The following NLGN1 variants were observed in gnomAD, a reference collection of about 807,000 sequenced individuals.
NLGN1 encodes neuroligin-1.
Under a neutral mutation model 65.5 loss-of-function variants are expected in NLGN1, and 12 were observed. That is an observed-to-expected ratio of 0.18 (90% CI 0.12 to 0.30). NLGN1 has a LOEUF of 0.30. NLGN1 is among the 10% of genes least tolerant of loss of function. NLGN1 has a pLI of 1.00. For missense variants in NLGN1, 750 were observed against 1,007.1 expected, an observed-to-expected ratio of 0.74 and a Z score of 3.46; for synonymous variants, 350 against 359.5, an observed-to-expected ratio of 0.97 and a Z score of 0.30.
intron 3 of NLGN1, among the ~76,000 whole-genome samples, chr3:173,655,457 T>A (rs1297861871): frequency 6.6e-6 from 1 of 152,114 alleles, no homozygotes; most frequent in Non-Finnish European, 1.5e-5. Flanking sequence ...AACAAATGAA[T>A]TTTCTATTCC....
intron 2 of NLGN1, among the ~76,000 whole-genome samples, chr3:173,481,840 A>G (rs1727347820): frequency 6.6e-6 from 1 of 151,930 alleles, no homozygotes; most frequent in African/African-American, 2.4e-5. Context: ...ATCACATACT[A>G]ATTAGCATGA....
chr3:173,966,804 G>A (rs1208796017), intron 4 of NLGN1, among the ~76,000 whole-genome samples: 1 of 152,130 alleles, frequency 6.6e-6, no homozygotes, highest in East Asian at 1.9e-4. Flanking sequence ...TAGACCTTGG[G>A]AAAATCCCCA....
intron 4 of NLGN1, among the ~76,000 whole-genome samples, chr3:173,942,357 G>A (rs966667765): frequency 6.6e-6 from 1 of 152,082 alleles, no homozygotes; most frequent in Non-Finnish European, 1.5e-5. Flanking sequence ...CATTCTAATA[G>A]TGTTGGCTTG....
intron 4 of NLGN1, among the ~76,000 whole-genome samples, chr3:173,885,999 A>G (rs898365214): frequency 6.6e-6 from 1 of 152,162 alleles, no homozygotes; most frequent in Non-Finnish European, 1.5e-5. Flanking sequence ...GAAGAAAGTT[A>G]TAGGGATGTT....
At chr3:174,251,632 G>A (rs1032219950) in intron 4 of NLGN1, among the ~76,000 whole-genome samples, 4 of 152,088 alleles carry the variant, frequency 2.6e-5, no homozygotes, top group African/African-American at 9.7e-5. Context: ...ACCCTAAAGA[G>A]CACATTATTT....
chr3:174,012,123 C>A (rs1332299829), intron 4 of NLGN1, among the ~76,000 whole-genome samples: 1 of 152,144 alleles, frequency 6.6e-6, no homozygotes, highest in Non-Finnish European at 1.5e-5. Context: ...GCCACCATGA[C>A]AATGAGTCTG....
intron 2 of NLGN1, among the ~76,000 whole-genome samples, chr3:173,530,191 G>T (rs746521786): frequency 3.9e-5 from 6 of 152,152 alleles, no homozygotes; most frequent in Admixed American, 6.5e-5. Flanking sequence ...CTGACCTCAA[G>T]TGATCCTGCT....
At chr3:174,245,847 T>C (rs1743686118) in intron 4 of NLGN1, among the ~76,000 whole-genome samples, 1 of 152,148 alleles carries the variant, frequency 6.6e-6, no homozygotes, top group African/African-American at 2.4e-5. Context: ...AAGTCTCCTA[T>C]TAGATGGAAA....
At chr3:173,409,185 AT>A (rs1168854090) in intron 1 of NLGN1, among the ~76,000 whole-genome samples, 5 of 152,208 alleles carry the variant, frequency 3.3e-5, no homozygotes, top group African/African-American at 9.6e-5. Context: ...TAGAAAGAGT[AT>A]AAAGAGCCAT....
chr3:173,880,771 G>A (rs1301767680), intron 4 of NLGN1, among the ~76,000 whole-genome samples: 1 of 152,046 alleles, frequency 6.6e-6, no homozygotes, highest in Non-Finnish European at 1.5e-5. Context: ...AAGACAACAA[G>A]GAAGTTTGCC....
intron 2 of NLGN1, among the ~76,000 whole-genome samples, chr3:173,527,619 G>A (rs1260287836): frequency 1.3e-5 from 2 of 152,104 alleles, no homozygotes; most frequent in African/African-American, 2.4e-5. Flanking sequence ...GGATAGTCTC[G>A]ATCTCCTGAC....
intron 4 of NLGN1, among the ~76,000 whole-genome samples, chr3:174,133,484 A>T (rs978716422): frequency 6.6e-6 from 1 of 152,162 alleles, no homozygotes; most frequent in Non-Finnish European, 1.5e-5. Context: ...CAGCCAGTCA[A>T]TCTTTGGAGG....
chr3:173,863,803 A>G (rs1034441050), intron 4 of NLGN1, among the ~76,000 whole-genome samples: 1 of 152,216 alleles, frequency 6.6e-6, no homozygotes, highest in Non-Finnish European at 1.5e-5. Flanking sequence ...GATGGTGACC[A>G]TAATACAGAA....
intron 4 of NLGN1, among the ~76,000 whole-genome samples, chr3:173,941,940 A>T (rs944653077): frequency 1.3e-5 from 2 of 151,956 alleles, no homozygotes; most frequent in African/African-American, 4.8e-5. Flanking sequence ...CCTGCTTATG[A>T]AGAAGTGACA....
intron 4 of NLGN1, among the ~76,000 whole-genome samples, chr3:173,984,711 A>T (rs1356165166): frequency 6.6e-6 from 1 of 152,172 alleles, no homozygotes; most frequent in African/African-American, 2.4e-5. Context: ...GCTGAACTAG[A>T]TTATCTCAAT....
At chr3:173,961,024 G>A (rs1713426950) in intron 4 of NLGN1, among the ~76,000 whole-genome samples, 1 of 151,836 alleles carries the variant, frequency 6.6e-6, no homozygotes, top group African/African-American at 2.4e-5. Flanking sequence ...TAATTTTCTT[G>A]TTAGTCATTC....
At chr3:174,195,464 G>GA (rs934677345) in intron 4 of NLGN1, among the ~76,000 whole-genome samples, 7 of 152,120 alleles carry the variant, frequency 4.6e-5, no homozygotes, top group African/African-American at 1.7e-4. Context: ...GAGACGATCT[G>GA]AAAAAACAGA....
chr3:174,238,874 T>C (rs1026074803), intron 4 of NLGN1, among the ~76,000 whole-genome samples: 1 of 152,130 alleles, frequency 6.6e-6, no homozygotes, highest in African/African-American at 2.4e-5. Context: ...ACTGTCTGTC[T>C]CTCTCTTTCT....
At chr3:174,082,364 C>A (rs534643369) in intron 4 of NLGN1, among the ~76,000 whole-genome samples, 72 of 151,922 alleles carry the variant, frequency 4.7e-4, no homozygotes, top group Admixed American at 1.4e-3. Flanking sequence ...ATTAAAAAAA[C>A]AAATAATAAT....
Sources: allele counts gnomAD v4.1 joint callset (sites outside exome capture counted in the v4.1 genomes callset), GRCh38; gene constraint gnomAD v4.1.1; transcripts MANE v1.5; gene names NCBI Gene and HGNC (gene_info 2026-07-23, HGNC 2026-07-21).